Variants in AGBL4 observed in about 807,000 individuals in gnomAD.
AGBL4 encodes the protein AGBL carboxypeptidase 4.
In AGBL4, 58 loss-of-function variants were observed where a neutral mutation model predicts 66.4. The observed-to-expected ratio is 0.87, with a 90% CI of 0.71 to 1.09. AGBL4 has a LOEUF of 1.09. Ranked by LOEUF, AGBL4 falls within the 50% of genes least tolerant of loss-of-function variation. The pLI, the probability that AGBL4 is intolerant of heterozygous loss-of-function variation, is 0.00. For missense variants in AGBL4, 579 were observed against 631.0 expected (o/e 0.92, Z 0.88); for synonymous variants, 234 against 222.9 (o/e 1.05, Z -0.44).
intron 6 of AGBL4, among the ~76,000 whole-genome samples, chr1:48,837,739 A>ATATATATATATATATATC (rs1646717829): frequency 7.5e-6 from 1 of 133,054 alleles, no homozygotes; most frequent in South Asian, 2.4e-4. Context: ...ATATATATAT[A>ATATATATATATATATATC]TATCCTGTTA....
intron 5 of AGBL4, among the ~76,000 whole-genome samples, chr1:48,877,922 A>C (rs1649378948): frequency 6.6e-6 from 1 of 152,180 alleles, no homozygotes; most frequent in Non-Finnish European, 1.5e-5. Context: ...CCAGCACTAA[A>C]GCCCTTGAAC....
intron 3 of AGBL4, among the ~76,000 whole-genome samples, chr1:49,501,511 T>C (rs941798256): frequency 6.9e-6 from 1 of 144,988 alleles, no homozygotes; most frequent in Non-Finnish European, 1.6e-5. Flanking sequence ...TTTTCTTTCA[T>C]TTATAATTTT....
intron 1 of AGBL4, among the ~76,000 whole-genome samples, chr1:49,975,634 G>A (rs575739163): frequency 2.0e-5 from 3 of 152,246 alleles, no homozygotes; most frequent in Non-Finnish European, 2.9e-5. Context: ...CACAGAATTT[G>A]TAATCAAAGA....
At chr1:49,421,224 A>G (rs1186662538) in intron 3 of AGBL4, among the ~76,000 whole-genome samples, 1 of 152,176 alleles carries the variant, frequency 6.6e-6, no homozygotes, top group African/African-American at 2.4e-5. Context: ...TAAGTGAACC[A>G]TTCATTGTTG....
intron 3 of AGBL4, among the ~76,000 whole-genome samples, chr1:49,338,336 A>T (rs985046632): frequency 6.6e-6 from 1 of 152,228 alleles, no homozygotes; most frequent in Non-Finnish European, 1.5e-5. Flanking sequence ...TTACTTATTA[A>T]GATAGAGCTT....
At chr1:49,958,054 G>T (rs1026480899) in intron 1 of AGBL4, among the ~76,000 whole-genome samples, 2 of 151,954 alleles carry the variant, frequency 1.3e-5, no homozygotes, top group African/African-American at 2.4e-5. Context: ...GGGCAGGCCT[G>T]GTGGTGACAA....
At chr1:49,781,719 G>T (rs1399273587) in intron 2 of AGBL4, among the ~76,000 whole-genome samples, 2 of 152,020 alleles carry the variant, frequency 1.3e-5, no homozygotes, top group Non-Finnish European at 2.9e-5. Flanking sequence ...ACATTCTCTA[G>T]GTTAAGGCAC....
chr1:49,565,678 T>A (rs1274346576), intron 3 of AGBL4, among the ~76,000 whole-genome samples: 3 of 152,204 alleles, frequency 2.0e-5, no homozygotes, highest in African/African-American at 7.2e-5. Flanking sequence ...GATCCGCTGT[T>A]AGTCTGATGG....
At position 49,982,324 on chromosome 1, in the gene AGBL4, A is replaced by G. The variant is rs906319327; in HGVS notation, c.34+41439T>C. 3.3e-5 allele frequency among the ~76,000 whole-genome samples: 5 copies of G among 152,220 alleles called. No individual in the cohort carries two copies. The East Asian group carries it at 7.7e-4, about 23-fold the overall frequency. The stretch of plus-strand genomic sequence containing the variant: ...AAGCCCTCTGCCCTTCTGAGTTGAC[A>G]GAGTGGGAGCTTTGTGCTCCCTGTG... On this transcript the variant is annotated intron_variant, in intron 1 of 13. Coordinates refer to ENST00000371839, the MANE Select transcript of AGBL4 (RefSeq NM_032785.4).
intron 3 of AGBL4, among the ~76,000 whole-genome samples, chr1:49,529,787 C>T (rs1440778793): frequency 1.3e-5 from 2 of 151,992 alleles, no homozygotes; most frequent in Non-Finnish European, 2.9e-5. Flanking sequence ...GAGGCAGTTA[C>T]AAATGGGGTA....
At chr1:49,808,790 C>T (rs1645032091) in intron 2 of AGBL4, among the ~76,000 whole-genome samples, 1 of 152,048 alleles carries the variant, frequency 6.6e-6, no homozygotes, top group African/African-American at 2.4e-5. Flanking sequence ...ATAATTTGCA[C>T]ATGGGTATGA....
chr1:49,332,576 C>T (rs1417801792), intron 3 of AGBL4, among the ~76,000 whole-genome samples: 3 of 152,220 alleles, frequency 2.0e-5, no homozygotes, highest in Non-Finnish European at 4.4e-5. Flanking sequence ...AAACAAAACA[C>T]TAGTATAGGA....
At chr1:49,163,567 G>T (rs547190775) in intron 4 of AGBL4, among the ~76,000 whole-genome samples, 10 of 152,098 alleles carry the variant, frequency 6.6e-5, no homozygotes, top group African/African-American at 7.2e-5. Flanking sequence ...AATGCAAAAG[G>T]CTCCCCAGTT....
At chr1:50,004,664 T>C (rs1246850572) in intron 1 of AGBL4, among the ~76,000 whole-genome samples, 4 of 152,104 alleles carry the variant, frequency 2.6e-5, no homozygotes, top group African/African-American at 7.2e-5. Context: ...AGATGTACCC[T>C]GGGCAAGAAG....
intron 3 of AGBL4, among the ~76,000 whole-genome samples, chr1:49,662,301 G>A (rs1301252736): frequency 6.6e-6 from 1 of 151,474 alleles, no homozygotes; most frequent in East Asian, 1.9e-4. Flanking sequence ...AATATGTGTA[G>A]AAATGGAAAG....
intron 5 of AGBL4, among the ~76,000 whole-genome samples, chr1:48,923,436 A>G (rs1307654523): frequency 6.6e-6 from 1 of 152,228 alleles, no homozygotes; most frequent in Non-Finnish European, 1.5e-5. Flanking sequence ...AGTCAAAAGG[A>G]AAGCCTGGGA....
chr1:49,670,453 A>G (rs964412472), intron 3 of AGBL4, among the ~76,000 whole-genome samples: 2 of 152,204 alleles, frequency 1.3e-5, no homozygotes, highest in African/African-American at 4.8e-5. Flanking sequence ...TGCTGATCTG[A>G]AGTTGCAGCT....
chr1:49,564,400 G>A (rs1422933402), intron 3 of AGBL4, among the ~76,000 whole-genome samples: 2 of 151,964 alleles, frequency 1.3e-5, no homozygotes, highest in African/African-American at 2.4e-5. Context: ...TGTGATGTTA[G>A]GGTGCCAATT....
Position 49,723,045 on chromosome 1 carries a change from T to C in AGBL4, c.158-25608A>G, listed in dbSNP as rs1176400840. 2.6e-5 allele frequency among the ~76,000 whole-genome samples: 4 copies of C among 152,232 alleles called. No homozygotes were observed. In the East Asian group the frequency reaches 7.7e-4, roughly 29 times the overall value. On this transcript the variant is annotated intron_variant, in intron 2 of 13. Transcript: ENST00000371839. ...AACCTAATACCATATGCTGGGCACATAACTCTTATCCTTTTTTTCAACAAC... is the reference window on the plus strand; with the variant it reads ...AACCTAATACCATATGCTGGGCACACAACTCTTATCCTTTTTTTCAACAAC...
Sources: allele counts gnomAD v4.1 joint callset (sites outside exome capture counted in the v4.1 genomes callset), GRCh38; gene constraint gnomAD v4.1.1; transcripts MANE v1.5; gene names NCBI Gene and HGNC (gene_info 2026-07-23, HGNC 2026-07-21).